SUGCT: variants seen among roughly 807,000 people sequenced by gnomAD.
SUGCT encodes the protein succinyl-CoA:glutarate-CoA transferase, also known as succinyl-CoA:glutarate CoA-transferase.
SUGCT carries 41 observed loss-of-function variants against 55.0 expected under a neutral mutation model. The ratio of observed to expected loss-of-function variants is 0.74; its 90% confidence interval spans 0.58 to 0.97. The LOEUF (loss-of-function observed/expected upper bound fraction) is 0.97, where lower values mean the gene tolerates loss of function less well. Among genes scored for constraint, SUGCT ranks in the 50% least tolerant of loss-of-function variants. SUGCT has a pLI of 0.00. For synonymous variants in SUGCT, 187 were observed against 200.4 expected (o/e 0.93, Z 0.56); for missense variants, 568 against 547.8 (o/e 1.04, Z -0.37).
intron 9 of SUGCT, among the ~76,000 whole-genome samples, chr7:40,398,678 C>T (rs1373279517): frequency 2.0e-5 from 3 of 151,926 alleles, no homozygotes; most frequent in African/African-American, 7.3e-5. Context: ...TGTTATAAGG[C>T]CCAATCTTTT....
intron 6 of SUGCT, among the ~76,000 whole-genome samples, chr7:40,201,004 G>A (rs1311635420): frequency 2.0e-5 from 3 of 152,054 alleles, no homozygotes; most frequent in Non-Finnish European, 2.9e-5. Flanking sequence ...GGATTCTTAC[G>A]GCATGAGTTA....
Position 40,589,554 on chromosome 7 carries a change from A to G in SUGCT, c.1089+93168A>G, listed in dbSNP as rs903290983. Among the ~76,000 whole-genome samples the G allele has an allele frequency of 5.3e-5, 8 of 152,164 alleles. No homozygotes were observed. The South Asian group carries it at 8.3e-4, about 16-fold the overall frequency. On this transcript the variant is annotated intron_variant, in intron 12 of 13. Transcript: ENST00000335693. ...TCCATTAATGAAGGCAGAGCCCTCA[A>G]TATGTAAACACATCCCATTAGGCCC... is the stretch of plus-strand genomic sequence containing the variant.
intron 2 of SUGCT, among the ~76,000 whole-genome samples, chr7:40,181,686 C>G (rs1279786291): frequency 6.7e-6 from 1 of 150,286 alleles, no homozygotes; most frequent in African/African-American, 2.4e-5. Context: ...GTGGAGCTTG[C>G]AGTGAGCTGA....
the SUGCT span, among the ~76,000 whole-genome samples, chr7:40,935,426 G>A: frequency 6.6e-6 from 1 of 152,046 alleles, no homozygotes; most frequent in Admixed American, 6.6e-5. Flanking sequence ...CCTGACCTCA[G>A]CCCTGGCAAC....
the SUGCT span, among the ~76,000 whole-genome samples, chr7:41,030,671 T>G: frequency 2.0e-5 from 3 of 152,186 alleles, no homozygotes; most frequent in African/African-American, 7.2e-5. Context: ...ATTTCCATCC[T>G]GGATTAATCA....
At chr7:40,390,069 C>T (rs1045768029) in intron 9 of SUGCT, among the ~76,000 whole-genome samples, 51 of 152,146 alleles carry the variant, frequency 3.4e-4, no homozygotes, top group Middle Eastern at 3.4e-3. Context: ...AAAAGGCCTT[C>T]GACAAAATTC....
intron 12 of SUGCT, among the ~76,000 whole-genome samples, chr7:40,733,204 C>G (rs1375284492): frequency 6.6e-6 from 1 of 152,184 alleles, no homozygotes; most frequent in African/African-American, 2.4e-5. Flanking sequence ...TCCATCTCTA[C>G]CCCTCTGCCC....
chr7:40,625,282 C>G (rs1416542043), intron 12 of SUGCT, among the ~76,000 whole-genome samples: 1 of 152,072 alleles, frequency 6.6e-6, no homozygotes, highest in Non-Finnish European at 1.5e-5. Flanking sequence ...CCCTTCATCC[C>G]CACTTCACTC....
At chr7:40,355,702 T>G (rs1797853779) in intron 9 of SUGCT, among the ~76,000 whole-genome samples, 4 of 152,356 alleles carry the variant, frequency 2.6e-5, no homozygotes, top group Admixed American at 2.6e-4. Flanking sequence ...ATGGAATTCT[T>G]TTTTTGGGAG....
At chr7:40,315,346 G>A (rs1179292417) in intron 8 of SUGCT, among the ~76,000 whole-genome samples, 1 of 152,238 alleles carries the variant, frequency 6.6e-6, no homozygotes, top group African/African-American at 2.4e-5. Context: ...GAAGTGATCT[G>A]TGAAATGGTG....
At chr7:40,993,751 C>T in the SUGCT span, among the ~76,000 whole-genome samples, 39 of 152,212 alleles carry the variant, frequency 2.6e-4, no homozygotes, top group Non-Finnish European at 4.6e-4. Context: ...AACTGGATGC[C>T]GCTCAGAGCT....
At chr7:40,949,484 C>T in the SUGCT span, among the ~76,000 whole-genome samples, 8 of 152,214 alleles carry the variant, frequency 5.3e-5, no homozygotes, top group Admixed American at 6.5e-5. Flanking sequence ...TCAATTTTGG[C>T]TTTTGTTGCC....
At chr7:40,256,729 A>C (rs1425465427) in intron 7 of SUGCT, among the ~76,000 whole-genome samples, 1 of 151,948 alleles carries the variant, frequency 6.6e-6, no homozygotes, top group Non-Finnish European at 1.5e-5. Flanking sequence ...TGGAATACAT[A>C]ATTTTTTATT....
intron 13 of SUGCT, among the ~76,000 whole-genome samples, chr7:40,847,710 C>T (rs936940242): frequency 5.3e-5 from 8 of 152,056 alleles, no homozygotes; most frequent in South Asian, 2.1e-4. Flanking sequence ...CCACCACATC[C>T]GGCCCACATT....
At chr7:40,327,021 G>A (rs1796056564) in intron 9 of SUGCT, among the ~76,000 whole-genome samples, 1 of 152,190 alleles carries the variant, frequency 6.6e-6, no homozygotes, top group African/African-American at 2.4e-5. Context: ...CGAAAGAGTA[G>A]GTGATAGCAA....
chr7:41,020,405 A>G, the SUGCT span, among the ~76,000 whole-genome samples: 1 of 152,248 alleles, frequency 6.6e-6, no homozygotes, highest in Non-Finnish European at 1.5e-5. Context: ...AGAAGTAAAT[A>G]GTTTAGCAAA....
intron 12 of SUGCT, among the ~76,000 whole-genome samples, chr7:40,599,018 G>A (rs1443166106): frequency 2.0e-5 from 3 of 152,132 alleles, no homozygotes; most frequent in African/African-American, 7.2e-5. Context: ...ATTGTAAGGG[G>A]AACCTAAATG....
chr7:40,175,926 C>T (rs1217409925), intron 1 of SUGCT, among the ~76,000 whole-genome samples: 1 of 151,976 alleles, frequency 6.6e-6, no homozygotes, highest in African/African-American at 2.4e-5. Context: ...TTTGGGGTTA[C>T]AAATAAATTT....
At chr7:40,977,149 G>T in the SUGCT span, among the ~76,000 whole-genome samples, 2 of 152,310 alleles carry the variant, frequency 1.3e-5, no homozygotes, top group Non-Finnish European at 1.5e-5. Context: ...ACACACAACC[G>T]CAGACAAATG....
Sources: allele counts gnomAD v4.1 joint callset (sites outside exome capture counted in the v4.1 genomes callset), GRCh38; gene constraint gnomAD v4.1.1; transcripts MANE v1.5; gene names NCBI Gene and HGNC (gene_info 2026-07-23, HGNC 2026-07-21).